Variants in UVRAG observed in about 807,000 individuals in gnomAD.
The protein encoded by UVRAG is UV radiation resistance associated.
In UVRAG, 19 loss-of-function variants were observed where a neutral mutation model predicts 78.0. The ratio of observed to expected loss-of-function variants is 0.24; its 90% CI spans 0.17 to 0.36. The LOEUF (loss-of-function observed/expected upper bound fraction) is 0.36, where lower values mean the gene tolerates loss of function less well. Ranked by LOEUF, UVRAG falls within the 10% of genes least tolerant of loss-of-function variation. UVRAG has a pLI of 1.00. For missense variants in UVRAG, 740 were observed against 853.8 expected (o/e 0.87, Z 1.66); for synonymous variants, 323 against 324.6 (o/e 1.00, Z 0.05).
chr11:75,992,398 T>G (rs1949625238), intron 8 of UVRAG, among the ~76,000 whole-genome samples: 2 of 152,202 alleles, frequency 1.3e-5, no homozygotes, highest in African/African-American at 4.8e-5. Context: ...ATTTTCTCAC[T>G]TTTATATATG....
chr11:75,851,838 G>T, intron 1 of UVRAG, 45 bp from the exon 2 acceptor site: 1 of 1,491,010 alleles, frequency 6.7e-7, no homozygotes, highest in Non-Finnish European at 9.2e-7. Flanking sequence ...AATTTTATAG[G>T]AGGAAAAATC....
At chr11:76,072,042 A>C (rs1431157899) in intron 13 of UVRAG, among the ~76,000 whole-genome samples, 1 of 152,168 alleles carries the variant, frequency 6.6e-6, no homozygotes, top group Non-Finnish European at 1.5e-5. Context: ...CATCAACATA[A>C]GGATGGTATT....
intron 13 of UVRAG, among the ~76,000 whole-genome samples, chr11:76,075,589 GCAATAGA>G (rs1225198240): frequency 6.6e-6 from 1 of 151,424 alleles, no homozygotes; most frequent in Non-Finnish European, 1.5e-5. Context: ...TCCAGCCTAG[GCAATAGA>G]ACAAGACTGT....
chr11:76,091,991 G>C lies in UVRAG; in HGVS notation c.1306-23933G>C, dbSNP rs111542673. Among the ~76,000 whole-genome samples the C allele has an allele frequency of 7.1e-3, 1,003 of 141,100 alleles. 15 individuals carry two copies. The highest frequency in any genetic ancestry group is 0.025 in the African/African-American group (955 of 38,176). The allele number at this position is 141,100 out of a possible 152,430, so 92.6% of individuals were successfully genotyped here. On this transcript the variant is annotated intron_variant, in intron 13 of 14. Transcript: ENST00000356136. ...TAATGCTTTCCCTCCCCCTTCCCCC[G>C]ACCCCACAACAGGCCCCGGCGTGTG...
intron 6 of UVRAG, among the ~76,000 whole-genome samples, chr11:75,940,358 C>T (rs1024609111): frequency 6.6e-6 from 1 of 152,130 alleles, no homozygotes; most frequent in African/African-American, 2.4e-5. Flanking sequence ...ACTTAAGAGT[C>T]AGTTTTCTAG....
chr11:76,076,439 G>T (rs1321390523), intron 13 of UVRAG, among the ~76,000 whole-genome samples: 1 of 152,190 alleles, frequency 6.6e-6, no homozygotes, highest in Non-Finnish European at 1.5e-5. Context: ...TCTCACATCA[G>T]ATCTTGTGAG....
At chr11:75,972,954 C>T (rs951297406) in intron 7 of UVRAG, among the ~76,000 whole-genome samples, 1 of 151,992 alleles carries the variant, frequency 6.6e-6, no homozygotes, top group African/African-American at 2.4e-5. Context: ...TTTGGATTTT[C>T]TATATGGAAA....
At chr11:75,982,017 C>T (rs1332346456) in intron 7 of UVRAG, among the ~76,000 whole-genome samples, 1 of 151,662 alleles carries the variant, frequency 6.6e-6, no homozygotes, top group East Asian at 1.9e-4. Flanking sequence ...AATTGTAACA[C>T]GTCTATCATG....
chr11:76,117,677 A>G (rs1238539390), intron 14 of UVRAG, among the ~76,000 whole-genome samples: 2 of 152,248 alleles, frequency 1.3e-5, no homozygotes, highest in Non-Finnish European at 2.9e-5. Context: ...CTGGAGAGCC[A>G]TAGGCTTTCC....
rs565479339 is a variant in UVRAG at position 76,121,869 on chromosome 11, G to A, written c.1397+5854G>A. ...ACTCAACACCACAGTGGCAGCTACA[G>A]AGATAAGTGTGTATTCCCTCAGTAG... is the stretch of plus-strand genomic sequence containing the variant. On this transcript the variant is annotated intron_variant, in intron 14 of 14. Transcript: ENST00000356136. 8.5e-5 allele frequency among the ~76,000 whole-genome samples: 13 copies of A among 152,250 alleles called. 1 individual carries two copies. The South Asian group carries it at 2.7e-3, about 32-fold the overall frequency.
chr11:76,072,316 G>A (rs2134394618), intron 13 of UVRAG, among the ~76,000 whole-genome samples: 1 of 152,292 alleles, frequency 6.6e-6, no homozygotes, highest in South Asian at 2.1e-4. Flanking sequence ...TTATGGGTTT[G>A]TAACTGGAGA....
intron 13 of UVRAG, among the ~76,000 whole-genome samples, chr11:76,081,080 A>C (rs1453760917): frequency 6.6e-6 from 1 of 152,242 alleles, no homozygotes; most frequent in Non-Finnish European, 1.5e-5. Flanking sequence ...CATTGTTTCC[A>C]GATTCCCTTG....
At chr11:75,943,626 G>A (rs902506690) in intron 6 of UVRAG, among the ~76,000 whole-genome samples, 19 of 152,040 alleles carry the variant, frequency 1.2e-4, no homozygotes, top group Non-Finnish European at 1.9e-4. Context: ...TATAACTGTC[G>A]CTTCATCAGT....
intron 8 of UVRAG, 131 bp from the exon 9 acceptor site, chr11:76,003,874 T>C: frequency 1.3e-6 from 1 of 774,560 alleles, no homozygotes; most frequent in South Asian, 1.6e-5. Context: ...CCAAAAAATC[T>C]CTGTACTCAA....
At chr11:76,021,583 A>G (rs1950247407) in intron 12 of UVRAG, among the ~76,000 whole-genome samples, 1 of 150,904 alleles carries the variant, frequency 6.6e-6, no homozygotes, top group Non-Finnish European at 1.5e-5. Context: ...TTTTTTCTCT[A>G]GTTTCTTAAA....
chr11:76,065,733 G>A lies in UVRAG; in HGVS notation c.1250G>A (p.Gly417Glu). The A allele has an allele frequency of 3.1e-6, 5 of 1,613,828 alleles. No homozygotes were observed. Among genetic ancestry groups the A allele is most frequent in the Non-Finnish European group, 4.2e-6 (5 of 1,179,916 alleles). Reference protein sequence around the residue: ...EREFPLYPKGGEKLQFDYGVY... With the variant: ...EREFPLYPKGEEKLQFDYGVY... ...AGGTTTCCACTGTATCCAAAAGGAG[G>A]GGAGAAGTTGCAGTTTGATTATGGT... Residue 417 changes from glycine to glutamate, a missense_variant, in exon 13 of 15, where the codon GGG (glycine) becomes GAG (glutamate). Coordinates refer to ENST00000356136, the MANE Select transcript of UVRAG (RefSeq NM_003369.4).
At chr11:75,903,912 A>G (rs1479211750) in intron 5 of UVRAG, among the ~76,000 whole-genome samples, 3 of 152,222 alleles carry the variant, frequency 2.0e-5, no homozygotes, top group African/African-American at 7.2e-5. Flanking sequence ...TAATGAAGTT[A>G]AGGACAGTCT....
intron 6 of UVRAG, among the ~76,000 whole-genome samples, chr11:75,930,329 T>C (rs1294603722): frequency 6.6e-6 from 1 of 152,230 alleles, no homozygotes; most frequent in Non-Finnish European, 1.5e-5. Flanking sequence ...TTTAAGATCT[T>C]ACCACAATTC....
At chr11:75,893,297 CTTGGG>C (rs1478423227) in intron 5 of UVRAG, among the ~76,000 whole-genome samples, 1 of 151,872 alleles carries the variant, frequency 6.6e-6, no homozygotes, top group Non-Finnish European at 1.5e-5. Context: ...AAGCAGAAGA[CTTGGG>C]CCTTCTGGCC....
Sources: allele counts gnomAD v4.1 joint callset (sites outside exome capture counted in the v4.1 genomes callset), GRCh38; gene constraint gnomAD v4.1.1; transcripts MANE v1.5; gene names NCBI Gene and HGNC (gene_info 2026-07-23, HGNC 2026-07-21).